The following FRMD5 variants were observed in gnomAD, a reference collection of about 807,000 sequenced individuals.
The protein encoded by FRMD5 is FERM domain containing 5.
Under a neutral mutation model 69.0 loss-of-function variants are expected in FRMD5, and 20 were observed. That is an observed-to-expected ratio of 0.29 (90% CI 0.20 to 0.42). FRMD5 has a LOEUF of 0.42. Among genes scored for constraint, FRMD5 ranks in the 10% least tolerant of loss-of-function variants. The pLI is 1.00. For synonymous variants in FRMD5, 271 were observed against 260.1 expected (o/e 1.04, Z -0.40); for missense variants, 595 against 708.6 (o/e 0.84, Z 1.82).
intron 1 of FRMD5, among the ~76,000 whole-genome samples, chr15:44,079,258 C>A (rs1034204434): frequency 6.6e-6 from 1 of 151,740 alleles, no homozygotes; most frequent in African/African-American, 2.4e-5. Context: ...CAAAAAAAAA[C>A]CCAAAACAAG....
At chr15:44,177,387 T>TA (rs149602000) in intron 1 of FRMD5, among the ~76,000 whole-genome samples, 6 of 152,122 alleles carry the variant, frequency 3.9e-5, no homozygotes, top group South Asian at 2.1e-4. Context: ...ACTTGGCAAT[T>TA]AAAAAAATAA....
At chr15:43,885,257 C>T (rs181793132) in intron 11 of FRMD5, among the ~76,000 whole-genome samples, 1 of 152,010 alleles carries the variant, frequency 6.6e-6, no homozygotes, top group African/African-American at 2.4e-5. Context: ...ACTGCAGCCT[C>T]GACCTCCTGA....
At chr15:44,132,057 G>A (rs1205282413) in intron 1 of FRMD5, among the ~76,000 whole-genome samples, 2 of 152,048 alleles carry the variant, frequency 1.3e-5, no homozygotes, top group Non-Finnish European at 2.9e-5. Flanking sequence ...GGGGGTAATG[G>A]GAGACAGTGA....
chr15:43,999,849 T>C (rs929797646), intron 1 of FRMD5, among the ~76,000 whole-genome samples: 2 of 102,516 alleles, frequency 2.0e-5, no homozygotes, highest in African/African-American at 6.2e-5. Context: ...ATGGAATATC[T>C]ATATCACAGA....
chr15:43,954,421 C>T (rs2090083153), intron 1 of FRMD5, among the ~76,000 whole-genome samples: 1 of 152,164 alleles, frequency 6.6e-6, no homozygotes, highest in Non-Finnish European at 1.5e-5. Flanking sequence ...TATTCAGTGC[C>T]TGTATATGCT....
In FRMD5 at chr15:43,873,831, G is replaced by A. The variant is rs2088232991; in HGVS notation, c.*54C>T. 2 of 1,596,498 alleles carry A rather than the reference G, an allele frequency of 1.3e-6. No individual in the cohort carries two copies. Among genetic ancestry groups the A allele is most frequent in the African/African-American group, 2.7e-5 (2 of 74,436 alleles). On this transcript the variant is annotated 3_prime_UTR_variant, in exon 14 of 14. Coordinates refer to ENST00000417257, the MANE Select transcript of FRMD5 (RefSeq NM_032892.5). ...GCGATGGGTCCCATTGCTGGGAATG[G>A]GTAGCCGGGTTCCTTGGTCCACCTG...
intron 1 of FRMD5, among the ~76,000 whole-genome samples, chr15:43,954,445 T>C (rs868790625): frequency 1.3e-5 from 2 of 152,094 alleles, no homozygotes; most frequent in South Asian, 2.1e-4. Context: ...CTACTTCAAA[T>C]GTAGGGGATG....
At chr15:43,900,056 C>T (rs149248341) in intron 7 of FRMD5, among the ~76,000 whole-genome samples, 43 of 152,268 alleles carry the variant, frequency 2.8e-4, no homozygotes, top group African/African-American at 1.0e-3. Context: ...GGGTCAAACG[C>T]AGAGGTAACC....
intron 1 of FRMD5, among the ~76,000 whole-genome samples, chr15:43,927,827 A>C (rs1256422791): frequency 6.6e-6 from 1 of 152,148 alleles, no homozygotes; most frequent in Non-Finnish European, 1.5e-5. Context: ...TACATACAAC[A>C]ACCAGATTAG....
Position 43,892,029 on chromosome 15 carries a change from A to G in FRMD5, c.680T>C (p.Phe227Ser). 12 of 1,614,172 alleles carry G rather than the reference A, an allele frequency of 7.4e-6. No homozygotes were observed. The highest frequency in any genetic ancestry group is 9.3e-6 in the Non-Finnish European group (11 of 1,180,010). Residue 227 changes from phenylalanine (F) to serine (S), a missense_variant, in exon 8 of 14, where the codon TTT becomes TCT. Around this residue, in one of 5 missense-constraint regions of FRMD5, gnomAD observed 176 missense variants for 266.3 expected, o/e 0.66. Coordinates refer to ENST00000417257, the MANE Select transcript of FRMD5 (RefSeq NM_032892.5). The stretch of plus-strand genomic sequence containing the variant: ...GTTTCCTTGAAGAACAACAAACCCA[A>G]AAGGAGTGAAGGCCAGAAATGCAGC... Reference protein sequence around the residue: ...GNAAFLAFTPFGFVVLQGNKR... With the variant: ...GNAAFLAFTPSGFVVLQGNKR...
chr15:43,951,758 C>T (rs1354249246), intron 1 of FRMD5, among the ~76,000 whole-genome samples: 1 of 152,132 alleles, frequency 6.6e-6, no homozygotes, highest in Non-Finnish European at 1.5e-5. Flanking sequence ...ATGAGTGATG[C>T]TCAGCAAGGC....
At chr15:44,130,160 C>T (rs1289537150) in intron 1 of FRMD5, among the ~76,000 whole-genome samples, 1 of 152,218 alleles carries the variant, frequency 6.6e-6, no homozygotes, top group Admixed American at 6.5e-5. Context: ...CATCATGCTT[C>T]AGCAGGTTGC....
intron 1 of FRMD5, among the ~76,000 whole-genome samples, chr15:44,180,293 C>G (rs1037816240): frequency 6.6e-6 from 1 of 151,948 alleles, no homozygotes; most frequent in African/African-American, 2.4e-5. Context: ...GAACAAAGAA[C>G]TCAATAATTT....
chr15:43,960,146 T>G (rs1470226266), intron 1 of FRMD5, among the ~76,000 whole-genome samples: 1 of 152,212 alleles, frequency 6.6e-6, no homozygotes, highest in Non-Finnish European at 1.5e-5. Flanking sequence ...TGGAGTGCAG[T>G]GGCACAATCT....
chr15:43,919,536 G>A lies in FRMD5; in HGVS notation c.252C>T (p.Ser84=), dbSNP rs1394471354. The A allele has an allele frequency of 6.2e-7, 1 of 1,613,764 alleles. No individual in the cohort carries two copies. Among genetic ancestry groups the A allele is most frequent in the Non-Finnish European group, 8.5e-7 (1 of 1,179,976 alleles). Residue 84 remains serine, a splice_region_variant and synonymous_variant, in exon 4 of 14, where the codon TCC becomes TCT. Coordinates refer to ENST00000417257, the MANE Select transcript of FRMD5 (RefSeq NM_032892.5). The stretch of plus-strand genomic sequence containing the variant: ...GGAAGCACATGGTGAATGGAGGCTG[G>A]GCTGCAGAGAAAAAGAGGTGCTCAT... ...FTKSVVKQLR[S]QPPFTMCFRV... is the part of the protein sequence containing the mutation.
At chr15:43,989,871 C>G in intron 1 of FRMD5, 1 of 1,037,522 alleles carries the variant, frequency 9.6e-7, no homozygotes, top group Non-Finnish European at 1.5e-6. Flanking sequence ...CCTTGGTCAG[C>G]AGCATGGGGT....
chr15:44,025,626 G>C (rs1891398812), intron 1 of FRMD5, among the ~76,000 whole-genome samples: 1 of 152,142 alleles, frequency 6.6e-6, no homozygotes, highest in Non-Finnish European at 1.5e-5. Flanking sequence ...AAGTATAAAT[G>C]TGAAATGCTG....
chr15:43,946,398 G>A (rs563177969), intron 1 of FRMD5, among the ~76,000 whole-genome samples: 13 of 152,268 alleles, frequency 8.5e-5, no homozygotes, highest in Admixed American at 1.3e-4. Flanking sequence ...AAGGGATATC[G>A]TTCAGGCTGG....
chr15:43,902,232 G>T lies in FRMD5; in HGVS notation c.582C>A (p.Asn194Lys). Reference sequence around the variant, plus strand: ...CCAATGTCTGTGCTTTTCTTAAGAAGTTCAGCTCTGATGTTGCTGGTGTTT... The same window carrying T: ...CCAATGTCTGTGCTTTTCTTAAGAATTTCAGCTCTGATGTTGCTGGTGTTT... ...SGQTPATSELNFLRKAQTLET... is the reference protein window; with the variant it reads ...SGQTPATSELKFLRKAQTLET... Residue 194 changes from asparagine to lysine, a missense_variant, in exon 7 of 14, where the codon AAC (asparagine) becomes AAA (lysine). Coordinates refer to ENST00000417257, the MANE Select transcript of FRMD5 (RefSeq NM_032892.5). 6.2e-7 allele frequency: 1 copy of T among 1,614,150 alleles called. No homozygotes were observed. Among genetic ancestry groups the T allele is most frequent in the Non-Finnish European group, 8.5e-7 (1 of 1,179,972 alleles).
Sources: gnomAD v4.1 joint callset for allele counts (sites outside exome capture counted in the v4.1 genomes callset) on GRCh38, gnomAD v4.1.1 for gene constraint, gnomAD v4.1.1 regional missense constraint, MANE v1.5 for transcripts, NCBI Gene and HGNC (gene_info 2026-07-23, HGNC 2026-07-21) for gene names.